The following UNC13C variants were observed in gnomAD, a reference collection of about 807,000 sequenced individuals.
UNC13C encodes protein unc-13 homolog C.
A neutral mutation model predicts 245.4 loss-of-function variants in UNC13C; 174 were observed. The observed-to-expected ratio is 0.71, with a 90% CI of 0.63 to 0.80. The LOEUF is 0.80. Among genes scored for constraint, UNC13C ranks in the 30% least tolerant of loss-of-function variants. UNC13C has a pLI of 0.00. For synonymous variants in UNC13C, 992 were observed against 895.1 expected (o/e 1.11, Z -1.93); for missense variants, 2,829 against 2,602.9 (o/e 1.09, Z -1.89).
At chr15:53,901,727 T>C in the UNC13C span, among the ~76,000 whole-genome samples, 1 of 152,210 alleles carries the variant, frequency 6.6e-6, no homozygotes, top group Admixed American at 6.5e-5. Flanking sequence ...TGAGGCCAAA[T>C]TGATTTCCAA....
intron 2 of UNC13C, among the ~76,000 whole-genome samples, chr15:54,128,698 C>G (rs2031212584): frequency 6.6e-6 from 1 of 152,112 alleles, no homozygotes; most frequent in Non-Finnish European, 1.5e-5. Context: ...AGTTGGAAGT[C>G]CAGGTTCTTT....
At chr15:53,926,905 A>G in the UNC13C span, among the ~76,000 whole-genome samples, 1 of 152,166 alleles carries the variant, frequency 6.6e-6, no homozygotes, top group African/African-American at 2.4e-5. Context: ...TGTGGGATAA[A>G]CTGAGTTGGA....
Position 54,107,632 on chromosome 15 carries a change from G to A in UNC13C, c.2984-35386G>A, listed in dbSNP as rs28537364. On this transcript the variant is annotated intron_variant, in intron 2 of 32. Coordinates refer to ENST00000260323, the MANE Select transcript of UNC13C (RefSeq NM_001080534.3). ...GGAGAAGAAATGGACTTCAATTGAT[G>A]CTGCTTCTTTTATGCAGAATGAGAA... Among the ~76,000 whole-genome samples, 1,193 of 152,288 alleles carry A rather than the reference G, an allele frequency of 7.8e-3. 15 individuals are homozygous for A. Among genetic ancestry groups the A allele is most frequent in the African/African-American group, 0.028 (1,145 of 41,554 alleles).
intron 10 of UNC13C, among the ~76,000 whole-genome samples, chr15:54,268,735 AG>A (rs200491805): frequency 0.025 from 3,827 of 152,144 alleles, 157 homozygotes; most frequent in African/African-American, 0.088. Context: ...ATGAATTAGG[AG>A]GTTTTGTCTT....
chr15:54,416,969 C>A (rs1397653915), intron 19 of UNC13C: 4 of 456,604 alleles, frequency 8.8e-6, no homozygotes, highest in Non-Finnish European at 1.8e-5. Flanking sequence ...TCATAAGCAG[C>A]CATGGAGGGC....
At chr15:54,469,207 C>G (rs11633204) in intron 19 of UNC13C, among the ~76,000 whole-genome samples, 1 of 151,276 alleles carries the variant, frequency 6.6e-6, no homozygotes, top group Non-Finnish European at 1.5e-5. Context: ...GGATTGTGTT[C>G]TCAATTTCTA....
At chr15:53,911,061 G>T in the UNC13C span, 1 of 152,262 alleles carries the variant, frequency 6.6e-6, no homozygotes, top group Non-Finnish European at 1.5e-5. Context: ...AAGTGTGCGA[G>T]CACACAGCAC....
chr15:54,181,901 C>G (rs536788687), intron 4 of UNC13C, among the ~76,000 whole-genome samples: 6 of 151,976 alleles, frequency 3.9e-5, no homozygotes, highest in Non-Finnish European at 7.4e-5. Flanking sequence ...TGAAACTGTA[C>G]TAAAGTCACT....
intron 2 of UNC13C, among the ~76,000 whole-genome samples, chr15:54,102,539 C>T (rs1431065509): frequency 2.0e-5 from 3 of 152,072 alleles, no homozygotes; most frequent in Non-Finnish European, 2.9e-5. Context: ...ATGTGCTGCT[C>T]CAGTAGAGGT....
intron 2 of UNC13C, among the ~76,000 whole-genome samples, chr15:54,029,784 C>T (rs1365344478): frequency 3.3e-5 from 5 of 152,274 alleles, no homozygotes; most frequent in South Asian, 2.1e-4. Context: ...GGACCCTATG[C>T]GGCCCTACTC....
At chr15:54,629,944 G>C (rs972001991), downstream of UNC13C, 1 of 152,052 alleles carries the variant, frequency 6.6e-6, no homozygotes, top group South Asian at 2.1e-4. Flanking sequence ...AAATTCTGTA[G>C]ACTCTGTTTT....
At chr15:54,552,557 A>AATTATAT (rs1896828449) in intron 28 of UNC13C, among the ~76,000 whole-genome samples, 1 of 15,052 alleles carries the variant, frequency 6.6e-5, no homozygotes, top group African/African-American at 2.1e-4. Flanking sequence ...TATTGTATAT[A>AATTATAT]ATTATATATT....
chr15:54,047,335 A>T (rs2141045296), intron 2 of UNC13C, among the ~76,000 whole-genome samples: 1 of 152,128 alleles, frequency 6.6e-6, no homozygotes, highest in East Asian at 1.9e-4. Flanking sequence ...ATGTTGAGCA[A>T]CCATCATTAC....
chr15:54,505,805 T>C (rs1296877558), intron 22 of UNC13C, among the ~76,000 whole-genome samples: 1 of 150,478 alleles, frequency 6.6e-6, no homozygotes, highest in East Asian at 2.0e-4. Flanking sequence ...ATATTCTATA[T>C]GACTGTGCAC....
At chr15:54,159,194 A>C (rs1023273720) in intron 4 of UNC13C, among the ~76,000 whole-genome samples, 2 of 152,200 alleles carry the variant, frequency 1.3e-5, no homozygotes, top group Non-Finnish European at 2.9e-5. Context: ...CATGCTCACT[A>C]TTGAGCAGGC....
intron 2 of UNC13C, among the ~76,000 whole-genome samples, chr15:54,106,426 CA>C (rs985393098): frequency 1.7e-4 from 26 of 152,250 alleles, no homozygotes; most frequent in African/African-American, 6.3e-4. Context: ...ACACATCAAG[CA>C]AAAATATTTT....
chr15:53,903,468 A>G, the UNC13C span, among the ~76,000 whole-genome samples: 1 of 152,232 alleles, frequency 6.6e-6, no homozygotes, highest in Non-Finnish European at 1.5e-5. Context: ...CACAAATCCA[A>G]TCAAAGCCCT....
At chr15:54,288,705 C>T (rs767206668) in intron 10 of UNC13C, among the ~76,000 whole-genome samples, 1 of 152,038 alleles carries the variant, frequency 6.6e-6, no homozygotes, top group Non-Finnish European at 1.5e-5. Flanking sequence ...CACCAACAAC[C>T]TCTTTAGCTT....
intron 17 of UNC13C, among the ~76,000 whole-genome samples, chr15:54,381,205 T>C (rs2039717092): frequency 6.6e-6 from 1 of 152,174 alleles, no homozygotes; most frequent in African/African-American, 2.4e-5. Flanking sequence ...ACATCATTGA[T>C]TGAAGAGATT....
Sources: allele counts gnomAD v4.1 joint callset (sites outside exome capture counted in the v4.1 genomes callset), GRCh38; gene constraint gnomAD v4.1.1; transcripts MANE v1.5; gene names NCBI Gene and HGNC (gene_info 2026-07-23, HGNC 2026-07-21).